The following NEO1 variants were observed in gnomAD, a reference collection of about 807,000 sequenced individuals.
The protein encoded by NEO1 is neogenin.
In NEO1, 63 loss-of-function variants were observed where a neutral mutation model predicts 159.7. The ratio of observed to expected loss-of-function variants is 0.39; its 90% CI spans 0.32 to 0.49. The LOEUF (loss-of-function observed/expected upper bound fraction) is 0.49, where lower values mean the gene tolerates loss of function less well. NEO1 is among the 20% of genes least tolerant of loss of function. NEO1 has a pLI of 0.85. For missense variants in NEO1, 1,615 were observed against 1,831.0 expected (o/e 0.88, Z 2.15); for synonymous variants, 633 against 662.0 (o/e 0.96, Z 0.67).
At chr15:73,202,017 GCAATGGTGCAATCTCAGCT>G (rs2036927721) in intron 7 of NEO1, among the ~76,000 whole-genome samples, 1 of 133,490 alleles carries the variant, frequency 7.5e-6, no homozygotes, top group Non-Finnish European at 1.5e-5. Flanking sequence ...AGCCTGGAGT[GCAATGGTGCAATCTCAGCT>G]CACCACAACC....
intron 5 of NEO1, among the ~76,000 whole-genome samples, chr15:73,146,281 T>C (rs1023924): frequency 0.32 from 49,224 of 152,104 alleles, 9,043 homozygotes; most frequent in Admixed American, 0.45. Context: ...GCACCTAATG[T>C]AGTAGTGCCT....
intron 7 of NEO1, among the ~76,000 whole-genome samples, chr15:73,181,668 G>T (rs2035619886): frequency 6.6e-6 from 1 of 152,048 alleles, no homozygotes. Context: ...GATCTTGTGA[G>T]AACTCACTAT....
At chr15:73,224,655 G>T (rs1483301606) in intron 7 of NEO1, among the ~76,000 whole-genome samples, 17 of 152,124 alleles carry the variant, frequency 1.1e-4, no homozygotes, top group Admixed American at 1.1e-3. Flanking sequence ...AATGTTTCCA[G>T]AATTTTTTGT....
chr15:73,205,407 T>G lies in NEO1; in HGVS notation c.1291+26980T>G, dbSNP rs1564346. Among the ~76,000 whole-genome samples, 1,306 of 152,230 alleles carry G rather than the reference T, an allele frequency of 8.6e-3. 22 individuals are homozygous for G. Among genetic ancestry groups the G allele is most frequent in the African/African-American group, 0.03 (1,234 of 41,556 alleles). On this transcript the variant is annotated intron_variant, in intron 7 of 28. Transcript: ENST00000261908. ...TCTAGCTGGGATAAGCTTTCACAAT[T>G]AATTCTCTGGAACAGGTTCTGGGCA...
chr15:73,256,438 C>G (rs376728024), intron 13 of NEO1, among the ~76,000 whole-genome samples: 4 of 152,040 alleles, frequency 2.6e-5, no homozygotes, highest in Non-Finnish European at 1.5e-5. Flanking sequence ...AGGCAGAGGC[C>G]GCAGTGAACT....
intron 1 of NEO1, among the ~76,000 whole-genome samples, chr15:73,080,323 T>G (rs34355572): frequency 0.087 from 13,201 of 152,206 alleles, 658 homozygotes; most frequent in Non-Finnish European, 0.1. Context: ...TACTAGTTGT[T>G]TTATTTAACA....
chr15:73,192,561 G>T (rs1294862736), intron 7 of NEO1, among the ~76,000 whole-genome samples: 1 of 151,804 alleles, frequency 6.6e-6, no homozygotes, highest in Non-Finnish European at 1.5e-5. Flanking sequence ...AGTATTTAAA[G>T]ATTCATATGT....
At chr15:73,152,249 T>C (rs1401950442) in intron 5 of NEO1, among the ~76,000 whole-genome samples, 1 of 152,212 alleles carries the variant, frequency 6.6e-6, no homozygotes, top group Non-Finnish European at 1.5e-5. Flanking sequence ...TCTCCTGCCC[T>C]CCTTTCACCT....
At chr15:73,061,281 AC>A (rs2151248230) in intron 1 of NEO1, among the ~76,000 whole-genome samples, 1 of 152,348 alleles carries the variant, frequency 6.6e-6, no homozygotes, top group Non-Finnish European at 1.5e-5. Flanking sequence ...AACGGAAGTT[AC>A]TGTCTCAGCC....
In NEO1 at chr15:73,176,512, C is replaced by A; in HGVS notation, c.1125C>A (p.Val375=). The change falls in exon 6 of 29, where the codon GTC becomes GTA. Residue 375 remains valine, a synonymous_variant. Transcript: ENST00000261908. ...AACCAACTCCAACTGTGAAGTGGGTCAAAAATGGGGATATGGTTATCCCAA... is the reference window on the plus strand; with the variant it reads ...AACCAACTCCAACTGTGAAGTGGGTAAAAAATGGGGATATGGTTATCCCAA... The part of the protein sequence containing the change: ...TGKPTPTVKW[V]KNGDMVIPSD... 1 of 1,610,450 alleles carries A rather than the reference C, an allele frequency of 6.2e-7. No homozygotes were observed. The highest frequency in any genetic ancestry group is 8.5e-7 in the Non-Finnish European group (1 of 1,178,270).
intron 1 of NEO1, among the ~76,000 whole-genome samples, chr15:73,057,766 C>G (rs2067780651): frequency 6.6e-6 from 1 of 152,120 alleles, no homozygotes; most frequent in Non-Finnish European, 1.5e-5. Flanking sequence ...TATCTTTTTA[C>G]ATTGTAATCA....
chr15:73,090,761 C>G (rs927129602), intron 1 of NEO1, among the ~76,000 whole-genome samples: 8 of 152,128 alleles, frequency 5.3e-5, no homozygotes, highest in African/African-American at 1.9e-4. Context: ...CCTCCTGTTC[C>G]TCGTATCTTT....
At chr15:73,216,777 G>A (rs1371466651) in intron 7 of NEO1, among the ~76,000 whole-genome samples, 2 of 151,470 alleles carry the variant, frequency 1.3e-5, no homozygotes, top group South Asian at 2.1e-4. Context: ...TTTTGATGGG[G>A]TTGTTTTTTT....
rs535615461 is a variant in NEO1, at chr15:73,244,298, A to G, written c.1452-46A>G. The G allele has an allele frequency of 6.5e-5, 102 of 1,570,916 alleles. 1 individual carries two copies. The South Asian group carries it at 1.2e-3, about 18-fold the overall frequency. ...GGAAAATGAAACTGTACATTCTGGAAGTATTCCTAATTAATGCTATCTCTC... is the reference window on the plus strand; with the variant it reads ...GGAAAATGAAACTGTACATTCTGGAGGTATTCCTAATTAATGCTATCTCTC... On this transcript the variant is annotated intron_variant, in intron 8 of 28. Coordinates refer to ENST00000261908, the MANE Select transcript of NEO1 (RefSeq NM_002499.4).
At chr15:73,302,575 C>G (rs1210142287) in intron 28 of NEO1, 38 bp from the exon 29 acceptor site, 4 of 1,592,156 alleles carry the variant, frequency 2.5e-6, no homozygotes, top group Non-Finnish European at 2.6e-6. Flanking sequence ...GAGCTGCTCC[C>G]TGGATCCAGC....
chr15:73,105,300 G>T (rs1031447719), intron 1 of NEO1, among the ~76,000 whole-genome samples: 3 of 152,088 alleles, frequency 2.0e-5, no homozygotes, highest in African/African-American at 7.2e-5. Flanking sequence ...TACTTTTCTG[G>T]GCAGGGCATT....
At chr15:73,198,049 T>G (rs1299679956) in intron 7 of NEO1, among the ~76,000 whole-genome samples, 1 of 152,192 alleles carries the variant, frequency 6.6e-6, no homozygotes, top group Non-Finnish European at 1.5e-5. Context: ...TGGTGTTCTT[T>G]TGTTTTAGGG....
intron 1 of NEO1, among the ~76,000 whole-genome samples, chr15:73,074,457 A>G (rs2068676715): frequency 6.6e-6 from 1 of 152,204 alleles, no homozygotes. Flanking sequence ...ATTAATGGCT[A>G]AAATGAAGTG....
At chr15:73,240,405 G>C (rs2039433946) in intron 8 of NEO1, among the ~76,000 whole-genome samples, 1 of 152,226 alleles carries the variant, frequency 6.6e-6, no homozygotes, top group African/African-American at 2.4e-5. Context: ...TGCAAGGTAA[G>C]GCCATCTGTG....
Sources: gnomAD v4.1 joint callset for allele counts (sites outside exome capture counted in the v4.1 genomes callset) on GRCh38, gnomAD v4.1.1 for gene constraint, MANE v1.5 for transcripts, NCBI Gene and HGNC (gene_info 2026-07-23, HGNC 2026-07-21) for gene names.